Variants in NUCB2 observed in about 807,000 individuals in gnomAD.
The protein encoded by NUCB2 is nucleobindin 2, also known as nucleobindin-2.
A neutral mutation model predicts 57.9 loss-of-function variants in NUCB2; 48 were observed. That is an observed-to-expected ratio of 0.83 (90% CI 0.66 to 1.05). The LOEUF is 1.05. NUCB2 is among the 50% of genes least tolerant of loss of function. The probability of loss-of-function intolerance (pLI) is 0.00; values close to 1 mark genes in which losing one functional copy is unlikely to be tolerated. For missense variants in NUCB2, 442 were observed against 476.2 expected (o/e 0.93, Z 0.67); for synonymous variants, 139 against 152.1 (o/e 0.91, Z 0.64).
In NUCB2 at chr11:17,320,770, A is replaced by G. The variant is rs973359589; in HGVS notation, c.1002+5295A>G. Among the ~76,000 whole-genome samples the G allele has an allele frequency of 3.9e-5, 6 of 152,140 alleles. No homozygotes were observed. In the East Asian group the frequency reaches 5.8e-4, roughly 15 times the overall value. The stretch of plus-strand genomic sequence containing the variant: ...TTTTTTCCTCCCCGTTCTGTGGGTT[A>G]TCTTACTCATTTAAAATAAAAGTAC... On this transcript the variant is annotated intron_variant, in intron 11 of 13. Coordinates refer to ENST00000529010, the MANE Select transcript of NUCB2 (RefSeq NM_005013.4).
chr11:17,328,538 CT>C (rs1337061092), intron 11 of NUCB2, among the ~76,000 whole-genome samples: 1 of 152,200 alleles, frequency 6.6e-6, no homozygotes, highest in African/African-American at 2.4e-5. Flanking sequence ...CTGCTCTTCA[CT>C]CCTCTTTCCA....
intron 2 of NUCB2, among the ~76,000 whole-genome samples, chr11:17,294,266 CT>C (rs1394445081): frequency 6.6e-6 from 1 of 152,050 alleles, no homozygotes; most frequent in Non-Finnish European, 1.5e-5. Context: ...CTGGAACCCC[CT>C]GTTTGTTAAA....
At chr11:17,325,544 T>G (rs1425639242) in intron 11 of NUCB2, among the ~76,000 whole-genome samples, 1 of 152,244 alleles carries the variant, frequency 6.6e-6, no homozygotes, top group Non-Finnish European at 1.5e-5. Flanking sequence ...TTTCCATCTC[T>G]TTATTTTCAG....
intron 10 of NUCB2, among the ~76,000 whole-genome samples, chr11:17,312,810 G>T (rs1948697556): frequency 6.7e-6 from 1 of 150,018 alleles, no homozygotes; most frequent in Admixed American, 6.6e-5. Flanking sequence ...GGGTTCAAGT[G>T]ATTCTCTTGC....
Position 17,330,113 on chromosome 11 carries a change from T to A in NUCB2, c.1003-14T>A, listed in dbSNP as rs1208627291. The A allele has an allele frequency of 3.7e-6, 5 of 1,362,932 alleles. No homozygotes were observed. Among genetic ancestry groups the A allele is most frequent in the Non-Finnish European group, 5.1e-6 (5 of 989,970 alleles). The allele number at this position is 1,362,932 out of a possible 1,614,324, so 84.4% of individuals were successfully genotyped here. A position where few individuals can be genotyped will look rare whatever the true frequency, so the allele number is the denominator to read the frequency against. On this transcript the variant is annotated splice_polypyrimidine_tract_variant and intron_variant, in intron 11 of 13. Coordinates refer to ENST00000529010, the MANE Select transcript of NUCB2 (RefSeq NM_005013.4). The surrounding 1 kb of genome is among the most constrained non-coding windows in gnomAD (Gnocchi z 4.3). ...AGTTTTGAGATTATTCTTTCCTCAT[T>A]TTTTTTCTTTTAGACATTAGATCAG...
At chr11:17,325,264 C>A (rs1458365595) in intron 11 of NUCB2, among the ~76,000 whole-genome samples, 2 of 152,314 alleles carry the variant, frequency 1.3e-5, no homozygotes, top group East Asian at 3.9e-4. Flanking sequence ...GGAGATCTGT[C>A]TAATGCTGAA....
At position 17,303,018 on chromosome 11, in the gene NUCB2, G is replaced by A. The variant is rs372102831; in HGVS notation, c.379+1148G>A. On this transcript the variant is annotated intron_variant, in intron 5 of 13. Coordinates refer to ENST00000529010, the MANE Select transcript of NUCB2 (RefSeq NM_005013.4). ...CTCCCAAAGTGCTGGGATTACAGGC[G>A]TGAGCCACCGCACCCGGCCTAGTTG... Among the ~76,000 whole-genome samples the A allele has an allele frequency of 2.8e-3, 433 of 152,248 alleles. 4 individuals are homozygous for A. Among genetic ancestry groups the A allele is most frequent in the African/African-American group, 9.9e-3 (410 of 41,540 alleles).
intron 2 of NUCB2, among the ~76,000 whole-genome samples, chr11:17,340,212 C>A (rs1271111256): frequency 6.6e-6 from 1 of 151,674 alleles, no homozygotes; most frequent in Non-Finnish European, 1.5e-5. Flanking sequence ...TTTTTTCTTG[C>A]AAATTTGTTT....
intron 1 of NUCB2, among the ~76,000 whole-genome samples, chr11:17,278,155 C>T (rs576160193): frequency 6.7e-6 from 1 of 148,974 alleles, no homozygotes; most frequent in South Asian, 2.1e-4. Flanking sequence ...TCTTCTCTAT[C>T]CAAATTTTAC....
chr11:17,339,038 A>G (rs894784044), intron 2 of NUCB2, among the ~76,000 whole-genome samples: 1 of 151,452 alleles, frequency 6.6e-6, no homozygotes, highest in African/African-American at 2.4e-5. Flanking sequence ...CCCAGGCTGG[A>G]GTGCAGTGGC....
chr11:17,323,308 A>G (rs1030467114), intron 11 of NUCB2, among the ~76,000 whole-genome samples: 11 of 152,142 alleles, frequency 7.2e-5, no homozygotes, highest in East Asian at 1.9e-4. Flanking sequence ...AATTTTTTCA[A>G]ATTCTTTTTC....
chr11:17,283,526 T>C (rs957189564), intron 2 of NUCB2: 5 of 152,254 alleles, frequency 3.3e-5, no homozygotes, highest in Non-Finnish European at 7.3e-5. Flanking sequence ...GGCAGAGATA[T>C]AAGTCTGACT....
At chr11:17,307,283 C>T (rs1337255111) in intron 5 of NUCB2, among the ~76,000 whole-genome samples, 1 of 151,498 alleles carries the variant, frequency 6.6e-6, no homozygotes, top group African/African-American at 2.4e-5. Flanking sequence ...CCCAATGTCC[C>T]CTAACACCAT....
At chr11:17,279,777 G>A (rs1382437056) in intron 1 of NUCB2, among the ~76,000 whole-genome samples, 1 of 121,928 alleles carries the variant, frequency 8.2e-6, no homozygotes, top group Non-Finnish European at 1.6e-5. Context: ...TTTTGGCAGA[G>A]CATTTTTTTT....
intron 2 of NUCB2, among the ~76,000 whole-genome samples, chr11:17,348,319 G>GGTTTTT (rs1952917777): frequency 3.6e-5 from 3 of 84,450 alleles, no homozygotes; most frequent in African/African-American, 1.0e-4. Flanking sequence ...TTGTTTTTGT[G>GGTTTTT]TTTTTTTTTT....
intron 11 of NUCB2, among the ~76,000 whole-genome samples, chr11:17,328,280 A>G (rs1018879859): frequency 6.6e-6 from 1 of 152,208 alleles, no homozygotes; most frequent in Non-Finnish European, 1.5e-5. Flanking sequence ...CTGGAACTGG[A>G]GGTGTGGTGA....
intron 1 of NUCB2, among the ~76,000 whole-genome samples, chr11:17,279,680 C>T (rs995902619): frequency 6.6e-6 from 1 of 152,032 alleles, no homozygotes; most frequent in Non-Finnish European, 1.5e-5. Context: ...ACTGTACCTC[C>T]AAGATTATTT....
chr11:17,302,895 C>T (rs951728144), intron 5 of NUCB2, among the ~76,000 whole-genome samples: 9 of 152,166 alleles, frequency 5.9e-5, no homozygotes, highest in Admixed American at 2.0e-4. Context: ...CCCACTACCA[C>T]ACCCAGCTAA....
chr11:17,282,861 G>GT lies in NUCB2; in HGVS notation c.-82dup, dbSNP rs1197162467. ...CAAGACCCATCTCTTCACTATTTTG[G>GT]TATTGTGCAAGTCATCTTACCTCTC... On this transcript the variant is annotated 5_prime_UTR_variant, in exon 2 of 14. Coordinates refer to ENST00000529010, the MANE Select transcript of NUCB2 (RefSeq NM_005013.4). 1.3e-5 allele frequency: 2 copies of GT among 151,792 alleles called. No homozygotes were observed. Among genetic ancestry groups the GT allele is most frequent in the Non-Finnish European group, 2.9e-5 (2 of 67,990 alleles). The allele number at this position is 151,792 out of a possible 1,614,324, so 9.4% of individuals were successfully genotyped here.
Sources: allele counts gnomAD v4.1 joint callset (sites outside exome capture counted in the v4.1 genomes callset), GRCh38; gene constraint gnomAD v4.1.1; non-coding constraint Gnocchi (gnomAD v3.1); transcripts MANE v1.5; gene names NCBI Gene and HGNC (gene_info 2026-07-23, HGNC 2026-07-21).